The following PHC2 variants were observed in gnomAD, a reference collection of about 807,000 sequenced individuals.
PHC2 encodes the protein polyhomeotic-like protein 2.
A neutral mutation model predicts 87.4 loss-of-function variants in PHC2; 29 were observed. The ratio of observed to expected loss-of-function variants is 0.33; its 90% CI spans 0.25 to 0.45. The LOEUF (loss-of-function observed/expected upper bound fraction) is 0.45, where lower values mean the gene tolerates loss of function less well. PHC2 is among the 20% of genes least tolerant of loss of function. PHC2 has a pLI of 1.00. For synonymous variants in PHC2, 438 were observed against 461.7 expected (o/e 0.95, Z 0.66); for missense variants, 857 against 1,136.7 (o/e 0.75, Z 3.54).
At chr1:33,414,464 G>C (rs1468179884) in intron 1 of PHC2, among the ~76,000 whole-genome samples, 1 of 152,136 alleles carries the variant, frequency 6.6e-6, no homozygotes, top group Non-Finnish European at 1.5e-5. Flanking sequence ...TTCCTTGTTT[G>C]AATATTGGGA....
At chr1:33,340,510 A>G (rs758315096) in intron 9 of PHC2, among the ~76,000 whole-genome samples, 2 of 152,210 alleles carry the variant, frequency 1.3e-5, no homozygotes, top group Non-Finnish European at 2.9e-5. Context: ...GGTCCAAGCA[A>G]CAGGCCGTAC....
intron 7 of PHC2, among the ~76,000 whole-genome samples, chr1:33,359,307 G>A (rs1647151904): frequency 6.6e-6 from 1 of 152,210 alleles, no homozygotes; most frequent in Admixed American, 6.5e-5. Context: ...TCCCAGAAAT[G>A]CTGGGACTCT....
intron 9 of PHC2, chr1:33,350,037 G>T: frequency 9.8e-6 from 2 of 204,702 alleles, no homozygotes; most frequent in Non-Finnish European, 1.7e-5. Context: ...CCCGCCTCGC[G>T]CCCTCCGGAA....
intron 9 of PHC2, among the ~76,000 whole-genome samples, chr1:33,338,050 C>G (rs1197039660): frequency 6.6e-6 from 1 of 152,196 alleles, no homozygotes; most frequent in Non-Finnish European, 1.5e-5. Flanking sequence ...AAAACAGCCC[C>G]CCTCTGACCT....
chr1:33,425,473 A>C (rs1204370197), intron 1 of PHC2, among the ~76,000 whole-genome samples: 2 of 152,232 alleles, frequency 1.3e-5, no homozygotes, highest in Non-Finnish European at 2.9e-5. Context: ...AGTTTTAGGA[A>C]CTGAAGTTAA....
At chr1:33,358,533 C>T (rs1570481604) in intron 7 of PHC2, among the ~76,000 whole-genome samples, 1 of 152,214 alleles carries the variant, frequency 6.6e-6, no homozygotes, top group East Asian at 1.9e-4. Context: ...CCTTTTGTTT[C>T]GAGTACTGCA....
chr1:33,325,841 G>A, intron 14 of PHC2: 1 of 456,370 alleles, frequency 2.2e-6, no homozygotes, highest in Non-Finnish European at 4.4e-6. Flanking sequence ...ATGTGGGCGT[G>A]GCCTCAGAAC....
chr1:33,346,018 T>C, intron 9 of PHC2: 3 of 985,358 alleles, frequency 3.0e-6, no homozygotes, highest in Non-Finnish European at 3.6e-6. Context: ...TGGTGACTCA[T>C]AGTTTAAACC....
At chr1:33,416,798 G>T (rs1259461775) in intron 1 of PHC2, among the ~76,000 whole-genome samples, 2 of 151,766 alleles carry the variant, frequency 1.3e-5, no homozygotes, top group Non-Finnish European at 2.9e-5. Context: ...AAATATTAAA[G>T]AAAGTTATTT....
At chr1:33,374,029 T>C (rs990466208) in intron 2 of PHC2, among the ~76,000 whole-genome samples, 8 of 152,314 alleles carry the variant, frequency 5.3e-5, no homozygotes, top group Admixed American at 6.5e-5. Flanking sequence ...TCCTCTGACG[T>C]GAACACCCCT....
Position 33,368,473 on chromosome 1 carries a change from G to T in PHC2, c.663+63C>A. The T allele has an allele frequency of 1.2e-6, 1 of 844,602 alleles. No homozygotes were observed. The allele number at this position is 844,602 out of a possible 1,614,324, so 52.3% of individuals were successfully genotyped here. A position where few individuals can be genotyped will look rare whatever the true frequency, so the allele number is the denominator to read the frequency against. ...CGGCCTCTCCTTGTGCCCCTCCCCA[G>T]TATCAGTGCCCCTCTACAGGGGTGC... On this transcript the variant is annotated intron_variant, in intron 6 of 14. Coordinates refer to ENST00000683057, the MANE Select transcript of PHC2 (RefSeq NM_001385109.1). The surrounding 1 kb of genome is among the most constrained non-coding windows in gnomAD (Gnocchi z 6.6).
At chr1:33,325,751 T>G (rs1251196793) in intron 14 of PHC2, 1 of 394,260 alleles carries the variant, frequency 2.5e-6, no homozygotes, top group Non-Finnish European at 5.2e-6. Context: ...AGTTCTGGAA[T>G]AATTTACATC....
At chr1:33,336,429 G>A (rs1330523109) in intron 9 of PHC2, 1 of 144,294 alleles carries the variant, frequency 6.9e-6, no homozygotes, top group African/African-American at 2.6e-5. Flanking sequence ...GAGCTGAGCA[G>A]GGGCCATCTA....
intron 1 of PHC2, among the ~76,000 whole-genome samples, chr1:33,390,625 A>C (rs1473569695): frequency 1.3e-5 from 2 of 152,108 alleles, no homozygotes; most frequent in Non-Finnish European, 2.9e-5. Context: ...CTCTATTTTT[A>C]AGAAGTTAAC....
chr1:33,327,719 C>G (rs990521276), intron 14 of PHC2, among the ~76,000 whole-genome samples: 1 of 152,226 alleles, frequency 6.6e-6, no homozygotes. Context: ...TGAGAACACT[C>G]GAGCAGCCCT....
chr1:33,404,390 A>G (rs1391892952), intron 1 of PHC2, among the ~76,000 whole-genome samples: 1 of 152,206 alleles, frequency 6.6e-6, no homozygotes, highest in African/African-American at 2.4e-5. Context: ...CTGGTAATTT[A>G]GTTTTCCTAC....
chr1:33,420,673 G>A (rs544826054), intron 1 of PHC2, among the ~76,000 whole-genome samples: 12 of 151,652 alleles, frequency 7.9e-5, no homozygotes, highest in African/African-American at 1.2e-4. Flanking sequence ...GTGGTGGCAC[G>A]ATCATAGTTC....
intron 7 of PHC2, among the ~76,000 whole-genome samples, chr1:33,361,061 G>A (rs369430405): frequency 1.3e-4 from 20 of 152,204 alleles, no homozygotes; most frequent in African/African-American, 3.9e-4. Context: ...GATTGTTAAC[G>A]CCAGGAGGCA....
chr1:33,349,814 C>A lies in PHC2; in HGVS notation c.1558+4587G>T. 2 of 976,552 alleles carry A rather than the reference C, an allele frequency of 2.0e-6. No individual in the cohort carries two copies. Among genetic ancestry groups the A allele is most frequent in the Non-Finnish European group, 2.4e-6 (2 of 824,768 alleles). 60.5% of individuals were successfully genotyped at this position (976,552 alleles called of 1,614,324 possible). On this transcript the variant is annotated intron_variant, in intron 9 of 14. Coordinates refer to ENST00000683057, the MANE Select transcript of PHC2 (RefSeq NM_001385109.1). The surrounding 1 kb of genome is among the most constrained non-coding windows in gnomAD (Gnocchi z 4.2). ...GCGAGGCCGGGACGGGGGCGCGAGG[C>A]CGGGGCGGGAGCGCGGGCGGCGGCC...
Sources: gnomAD v4.1 joint callset for allele counts (sites outside exome capture counted in the v4.1 genomes callset) on GRCh38, gnomAD v4.1.1 for gene constraint, Gnocchi (gnomAD v3.1) non-coding constraint, MANE v1.5 for transcripts, NCBI Gene and HGNC (gene_info 2026-07-23, HGNC 2026-07-21) for gene names.